The following EEFSEC variants were observed in gnomAD, a reference collection of about 807,000 sequenced individuals.
The protein encoded by EEFSEC is selenocysteine-specific elongation factor.
EEFSEC carries 43 observed loss-of-function variants against 42.1 expected under a neutral mutation model. That is an observed-to-expected ratio of 1.02 (90% CI 0.80 to 1.32). EEFSEC has a LOEUF of 1.32. Among genes scored for constraint, EEFSEC ranks in the 40% most tolerant of loss-of-function variants. EEFSEC has a pLI of 0.00. For synonymous variants in EEFSEC, 354 were observed against 339.1 expected, an observed-to-expected ratio of 1.04 and a Z score of -0.48; for missense variants, 745 against 803.6, an observed-to-expected ratio of 0.93 and a Z score of 0.88.
chr3:128,282,705 CT>C (rs1181766779), intron 4 of EEFSEC, among the ~76,000 whole-genome samples: 2 of 152,220 alleles, frequency 1.3e-5, no homozygotes, highest in African/African-American at 4.8e-5. Flanking sequence ...CACTGACAGA[CT>C]TCAGGTGGGG....
rs142548867 is a variant in EEFSEC at position 128,264,663 on chromosome 3, C to T, written c.668C>T (p.Pro223Leu). The stretch of plus-strand genomic sequence containing the variant: ...ATCCCAACGAGAGATCCCTCGGGAC[C>T]GTTCCTCATGTCTGTGGACCACTGT... ...ISIPTRDPSG[P>L]FLMSVDHCFS... The change falls in exon 4 of 7, where the codon CCG (proline) becomes CTG (leucine). Residue 223 changes from proline (P) to leucine (L), a missense_variant. Physicochemically the swap from Pro to Leu is moderately conservative, Grantham distance 98 (BLOSUM62 -3). Transcript: ENST00000254730. The T allele has an allele frequency of 1.1e-3, 1,725 of 1,614,072 alleles. 19 individuals are homozygous for T. The Middle Eastern group carries it at 0.021, about 20-fold the overall frequency.
At chr3:128,163,796 A>T (rs1037059619) in intron 1 of EEFSEC, among the ~76,000 whole-genome samples, 1 of 151,936 alleles carries the variant, frequency 6.6e-6, no homozygotes, top group Non-Finnish European at 1.5e-5. Flanking sequence ...ATCACACAAT[A>T]TGTGGCCTTT....
chr3:128,334,839 C>T (rs1055908014), intron 4 of EEFSEC, among the ~76,000 whole-genome samples: 3 of 152,236 alleles, frequency 2.0e-5, no homozygotes, highest in Admixed American at 2.0e-4. Context: ...GGGGACGGAC[C>T]TCCCAGAGGC....
At chr3:128,211,509 G>A (rs1266623631) in intron 1 of EEFSEC, among the ~76,000 whole-genome samples, 1 of 151,888 alleles carries the variant, frequency 6.6e-6, no homozygotes, top group Non-Finnish European at 1.5e-5. Context: ...GACCAAAAGA[G>A]AAATACATAT....
intron 1 of EEFSEC, among the ~76,000 whole-genome samples, chr3:128,169,721 C>T (rs2065276150): frequency 6.6e-6 from 1 of 152,156 alleles, no homozygotes; most frequent in Non-Finnish European, 1.5e-5. Context: ...GACTTGAATG[C>T]CACATGGAGG....
chr3:128,234,639 C>T (rs980815880), intron 1 of EEFSEC, among the ~76,000 whole-genome samples: 8 of 152,182 alleles, frequency 5.3e-5, no homozygotes, highest in African/African-American at 1.9e-4. Context: ...GCAGACATAA[C>T]TGGGTGTCTT....
In EEFSEC at chr3:128,159,856, C is replaced by T. The variant is rs961570180; in HGVS notation, c.316+6033C>T. Among the ~76,000 whole-genome samples, 4 of 152,200 alleles carry T rather than the reference C, an allele frequency of 2.6e-5. No homozygotes were observed. The East Asian group carries it at 7.7e-4, about 29-fold the overall frequency. On this transcript the variant is annotated intron_variant, in intron 1 of 6. Coordinates refer to ENST00000254730, the MANE Select transcript of EEFSEC (RefSeq NM_021937.5). The stretch of plus-strand genomic sequence containing the variant: ...CTCACCCCCTCATACTTTCTCATGT[C>T]CCTGTTTCATTGCCCCAGCAGCCCT...
intron 4 of EEFSEC, among the ~76,000 whole-genome samples, chr3:128,279,784 C>T (rs1433517935): frequency 1.3e-5 from 2 of 152,222 alleles, no homozygotes; most frequent in Non-Finnish European, 2.9e-5. Flanking sequence ...GTGCAGCCTG[C>T]CCCTGACTGG....
downstream of EEFSEC, among the ~76,000 whole-genome samples, chr3:128,409,671 G>A (rs1391154501): frequency 3.3e-5 from 5 of 152,232 alleles, no homozygotes; most frequent in African/African-American, 7.2e-5. Flanking sequence ...GCTGCAGGCT[G>A]CGGGTGCCAG....
chr3:128,277,844 G>T (rs1444110202), intron 4 of EEFSEC, among the ~76,000 whole-genome samples: 1 of 152,214 alleles, frequency 6.6e-6, no homozygotes, highest in Non-Finnish European at 1.5e-5. Flanking sequence ...GTCAGGGGAG[G>T]CTTCTCAGGT....
the EEFSEC span, among the ~76,000 whole-genome samples, chr3:128,425,079 A>G: frequency 3.3e-5 from 5 of 152,138 alleles, no homozygotes; most frequent in African/African-American, 4.8e-5. Context: ...CCCTTTAAAC[A>G]TGTAGCTCTG....
At chr3:128,384,763 C>T (rs2067818708) in intron 6 of EEFSEC, among the ~76,000 whole-genome samples, 1 of 152,174 alleles carries the variant, frequency 6.6e-6, no homozygotes, top group African/African-American at 2.4e-5. Flanking sequence ...CAAGCATTTG[C>T]TGGGCTAGTG....
chr3:128,161,111 A>G (rs1371507677), intron 1 of EEFSEC, among the ~76,000 whole-genome samples: 1 of 152,210 alleles, frequency 6.6e-6, no homozygotes, highest in Non-Finnish European at 1.5e-5. Flanking sequence ...ATCTGACTGC[A>G]CAGCCCATAC....
chr3:128,172,981 G>A (rs1369520994), intron 1 of EEFSEC, among the ~76,000 whole-genome samples: 1 of 152,228 alleles, frequency 6.6e-6, no homozygotes, highest in African/African-American at 2.4e-5. Context: ...TGCCACATAA[G>A]CTGTGGAATG....
At chr3:128,395,187 C>T (rs923571541) in intron 6 of EEFSEC, among the ~76,000 whole-genome samples, 3 of 152,196 alleles carry the variant, frequency 2.0e-5, no homozygotes, top group African/African-American at 4.8e-5. Flanking sequence ...GTTATCCCTG[C>T]GTCACAAGCA....
chr3:128,395,431 C>G (rs2107629090), intron 6 of EEFSEC, among the ~76,000 whole-genome samples: 1 of 152,342 alleles, frequency 6.6e-6, no homozygotes, highest in East Asian at 1.9e-4. Context: ...CTTCCTCCTC[C>G]TCCTCTGAAT....
At chr3:128,402,194 C>A (rs1016398271) in intron 6 of EEFSEC, among the ~76,000 whole-genome samples, 3 of 152,264 alleles carry the variant, frequency 2.0e-5, no homozygotes, top group African/African-American at 7.2e-5. Flanking sequence ...AGGAACAGTG[C>A]TTGCAACCCA....
At chr3:128,337,845 GTTGAT>G (rs779964689) in intron 4 of EEFSEC, among the ~76,000 whole-genome samples, 4 of 152,218 alleles carry the variant, frequency 2.6e-5, no homozygotes, top group Admixed American at 2.0e-4. Flanking sequence ...ATTGATAGAA[GTTGAT>G]TTATCTACCT....
chr3:128,204,513 G>A lies in EEFSEC; in HGVS notation c.317-42323G>A, dbSNP rs1415569124. ...CCTCTCTCTCCTTGTGTCTGAGGTA[G>A]GGTTCTTTCAGAGTTTTGCTGTTTG... On this transcript the variant is annotated intron_variant, in intron 1 of 6. Transcript: ENST00000254730. Among the ~76,000 whole-genome samples, 3 of 152,158 alleles carry A rather than the reference G, an allele frequency of 2.0e-5. No individual in the cohort carries two copies. In the East Asian group the frequency reaches 5.8e-4, roughly 29 times the overall value.
Sources: allele counts gnomAD v4.1 joint callset (sites outside exome capture counted in the v4.1 genomes callset), GRCh38; gene constraint gnomAD v4.1.1; transcripts MANE v1.5; gene names NCBI Gene and HGNC (gene_info 2026-07-23, HGNC 2026-07-21).